Variants in MAP2 observed in about 807,000 individuals in gnomAD.
The protein encoded by MAP2 is microtubule-associated protein 2.
In MAP2, 14 loss-of-function variants were observed where a neutral mutation model predicts 137.6. That is an observed-to-expected ratio of 0.10 (90% CI 0.07 to 0.16). MAP2 has a LOEUF of 0.16. MAP2 is among the 10% of genes least tolerant of loss of function. The pLI is 1.00. For missense variants in MAP2, 2,088 were observed against 2,191.5 expected, an observed-to-expected ratio of 0.95 and a Z score of 0.94; for synonymous variants, 786 against 782.3, an observed-to-expected ratio of 1.00 and a Z score of -0.08.
chr2:209,723,742 A>G, intron 13 of MAP2: 2 of 1,186,496 alleles, frequency 1.7e-6, no homozygotes, highest in African/African-American at 1.5e-5. Flanking sequence ...CCACCTGCAC[A>G]GCCAGCACCC....
chr2:209,694,675 A>G lies in MAP2; in HGVS notation c.2505A>G (p.Pro835=), dbSNP rs761915223. ...DAEVARRKSV[P]SETVVEDSRT... ...AGGTTGCCAGGAGGAAATCAGTCCC[A>G]TCAGAGACTGTGGTTGAGGATAGTC... The change falls in exon 8 of 16, where the codon CCA becomes CCG. Residue 835 remains proline, a synonymous_variant. Coordinates refer to ENST00000682079, the MANE Select transcript of MAP2 (RefSeq NM_001375505.1). 6.8e-6 allele frequency: 11 copies of G among 1,614,034 alleles called. No individual in the cohort carries two copies. Among genetic ancestry groups the G allele is most frequent in the Non-Finnish European group, 8.5e-6 (10 of 1,180,026 alleles).
intron 1 of MAP2, among the ~76,000 whole-genome samples, chr2:209,497,876 A>G (rs1269229674): frequency 6.6e-6 from 1 of 152,168 alleles, no homozygotes; most frequent in Admixed American, 6.5e-5. Context: ...TTACAATTCA[A>G]CATGAGAATT....
In MAP2 at chr2:209,548,644, G is replaced by C. The variant is rs188249867; in HGVS notation, c.-171-31392G>C. Among the ~76,000 whole-genome samples the C allele has an allele frequency of 1.5e-3, 226 of 152,274 alleles. 1 individual carries two copies. Among genetic ancestry groups the C allele is most frequent in the Non-Finnish European group, 2.5e-3 (172 of 68,020 alleles). ...CCTACCCAAAATCTCATCTTGAATT[G>C]TAATAGCCATAATCCCCACAACCCC... On this transcript the variant is annotated intron_variant, in intron 2 of 15. Transcript: ENST00000682079.
intron 2 of MAP2, among the ~76,000 whole-genome samples, chr2:209,568,317 GA>G (rs564630838): frequency 3.5e-4 from 53 of 152,010 alleles, no homozygotes; most frequent in Non-Finnish European, 5.9e-4. Flanking sequence ...TGCATTTTCA[GA>G]AATCATTCCA....
At chr2:209,646,288 T>C (rs2094418311) in intron 4 of MAP2, among the ~76,000 whole-genome samples, 1 of 151,732 alleles carries the variant, frequency 6.6e-6, no homozygotes, top group Non-Finnish European at 1.5e-5. Flanking sequence ...TTATTATGCA[T>C]TTTTTTTGCA....
At chr2:209,582,614 C>T (rs890252605) in intron 3 of MAP2, among the ~76,000 whole-genome samples, 1 of 150,988 alleles carries the variant, frequency 6.6e-6, no homozygotes, top group African/African-American at 2.4e-5. Flanking sequence ...CTTACCAGTC[C>T]ATAATGAGCA....
At chr2:209,689,668 C>T (rs1248761782) in intron 7 of MAP2, among the ~76,000 whole-genome samples, 1 of 151,958 alleles carries the variant, frequency 6.6e-6, no homozygotes, top group Non-Finnish European at 1.5e-5. Context: ...GTTTGATTGC[C>T]ACTCAATTAT....
At position 209,583,046 on chromosome 2, in the gene MAP2, C is replaced by A. The variant is rs16824918; in HGVS notation, c.-107+2946C>A. On this transcript the variant is annotated intron_variant, in intron 3 of 15. Transcript: ENST00000682079. ...GGTACCTAGTCATTGTCTTGATGTT[C>A]CATGCAATAAGGTTAAAACAGTATG... 2.3e-3 allele frequency among the ~76,000 whole-genome samples: 343 copies of A among 152,002 alleles called. 2 individuals are homozygous for A. Among genetic ancestry groups the A allele is most frequent in the African/African-American group, 8.0e-3 (332 of 41,492 alleles).
At chr2:209,657,669 G>A (rs541702422) in intron 5 of MAP2, among the ~76,000 whole-genome samples, 2 of 151,514 alleles carry the variant, frequency 1.3e-5, no homozygotes, top group East Asian at 1.9e-4. Context: ...TTAGTCCTTC[G>A]TTGGATGCAC....
At chr2:209,501,525 T>C (rs960118612) in intron 1 of MAP2, among the ~76,000 whole-genome samples, 1 of 152,220 alleles carries the variant, frequency 6.6e-6, no homozygotes, top group Non-Finnish European at 1.5e-5. Flanking sequence ...TCTTACCTTT[T>C]AGGTGAGGAG....
chr2:209,460,380 G>A lies in MAP2; in HGVS notation c.-222+36104G>A, dbSNP rs1175947460. Among the ~76,000 whole-genome samples, 4 of 152,160 alleles carry A rather than the reference G, an allele frequency of 2.6e-5. No homozygotes were observed. The East Asian group carries it at 5.8e-4, about 22-fold the overall frequency. On this transcript the variant is annotated intron_variant, in intron 1 of 15. Coordinates refer to ENST00000682079, the MANE Select transcript of MAP2 (RefSeq NM_001375505.1). ...AAAGAACAAACTGGTTCTTTGGGAC[G>A]TGGATATTGGTTTCATAAGGTAGAC...
At chr2:209,483,395 A>G (rs933282858) in intron 1 of MAP2, among the ~76,000 whole-genome samples, 1 of 152,184 alleles carries the variant, frequency 6.6e-6, no homozygotes, top group Non-Finnish European at 1.5e-5. Flanking sequence ...GCAACACAGT[A>G]AGACCTTGTC....
intron 14 of MAP2, among the ~76,000 whole-genome samples, chr2:209,727,768 A>G (rs2074587457): frequency 6.6e-6 from 1 of 152,224 alleles, no homozygotes; most frequent in African/African-American, 2.4e-5. Context: ...GATGGGTGCC[A>G]GAATTCTTCG....
intron 2 of MAP2, among the ~76,000 whole-genome samples, chr2:209,514,703 A>T (rs1000540317): frequency 1.3e-5 from 2 of 152,128 alleles, no homozygotes; most frequent in Non-Finnish European, 2.9e-5. Flanking sequence ...TATTCTACTT[A>T]TTGCAGAATA....
intron 4 of MAP2, among the ~76,000 whole-genome samples, chr2:209,632,890 C>T (rs1468963666): frequency 6.6e-6 from 1 of 152,106 alleles, no homozygotes; most frequent in Non-Finnish European, 1.5e-5. Flanking sequence ...ATTAGTTTCC[C>T]TCTTCCTGAA....
At chr2:209,577,082 T>C (rs745810997) in intron 2 of MAP2, among the ~76,000 whole-genome samples, 3 of 152,212 alleles carry the variant, frequency 2.0e-5, no homozygotes, top group Non-Finnish European at 4.4e-5. Flanking sequence ...TTAGGCATCA[T>C]TTTTTATGTT....
intron 2 of MAP2, among the ~76,000 whole-genome samples, chr2:209,570,335 C>T (rs2074186562): frequency 6.6e-6 from 1 of 151,792 alleles, no homozygotes; most frequent in African/African-American, 2.4e-5. Flanking sequence ...AACTAATTAG[C>T]TGAGAAGTCC....
intron 2 of MAP2, among the ~76,000 whole-genome samples, chr2:209,522,073 T>C (rs1295868053): frequency 6.6e-6 from 1 of 152,168 alleles, no homozygotes; most frequent in Non-Finnish European, 1.5e-5. Flanking sequence ...GTCGAGCTGC[T>C]TCTCATACTG....
intron 1 of MAP2, among the ~76,000 whole-genome samples, chr2:209,449,973 C>A (rs1173265769): frequency 6.6e-6 from 1 of 152,158 alleles, no homozygotes; most frequent in East Asian, 1.9e-4. Context: ...CAAAGTTTCA[C>A]TCTTGTAGCC....
Sources: allele counts gnomAD v4.1 joint callset (sites outside exome capture counted in the v4.1 genomes callset), GRCh38; gene constraint gnomAD v4.1.1; transcripts MANE v1.5; gene names NCBI Gene and HGNC (gene_info 2026-07-23, HGNC 2026-07-21).